The following GLRB variants were observed in gnomAD, a reference collection of about 807,000 sequenced individuals.
GLRB encodes the protein glycine receptor subunit beta.
In GLRB, 33 loss-of-function variants were observed where a neutral mutation model predicts 54.2. The ratio of observed to expected loss-of-function variants is 0.61; its 90% CI spans 0.46 to 0.81. The LOEUF (loss-of-function observed/expected upper bound fraction) is 0.81, where lower values mean the gene tolerates loss of function less well. Ranked by LOEUF, GLRB falls within the 40% of genes least tolerant of loss-of-function variation. The pLI is 0.00. For missense variants in GLRB, 572 were observed against 584.6 expected (o/e 0.98, Z 0.22); for synonymous variants, 209 against 208.2 (o/e 1.00, Z -0.03).
rs571760653 is a variant in GLRB at position 157,142,873 on chromosome 4, C to T, written c.752-934C>T. Among the ~76,000 whole-genome samples the T allele has an allele frequency of 6.6e-5, 10 of 152,160 alleles. No homozygotes were observed. The South Asian group carries it at 1.7e-3, about 25-fold the overall frequency. On this transcript the variant is annotated intron_variant, in intron 7 of 9. Coordinates refer to ENST00000264428, the MANE Select transcript of GLRB (RefSeq NM_000824.5). ...CATTCTTCTCTAAATTAAGCACTTT[C>T]GGCATTATATATTATATTTAAATAG...
chr4:157,136,757 A>T (rs779341791), intron 5 of GLRB, 47 bp from the exon 6 acceptor site: 7 of 1,495,808 alleles, frequency 4.7e-6, no homozygotes, highest in Non-Finnish European at 6.5e-6. Context: ...TCAATGGATG[A>T]CAGAGAAGTA....
At chr4:157,162,719 G>A (rs765667139) in intron 9 of GLRB, among the ~76,000 whole-genome samples, 31 of 152,250 alleles carry the variant, frequency 2.0e-4, no homozygotes, top group Admixed American at 3.3e-4. Context: ...TGGGGCACCC[G>A]GCTGTATGAG....
chr4:157,147,298 A>T (rs2343768), intron 8 of GLRB, among the ~76,000 whole-genome samples: 7,912 of 152,256 alleles, frequency 0.052, 345 homozygotes, highest in African/African-American at 0.12. Context: ...TGAACAAAGT[A>T]TTTCTAGGTC....
intron 2 of GLRB, among the ~76,000 whole-genome samples, chr4:157,089,586 C>T (rs1468411027): frequency 6.6e-6 from 1 of 152,102 alleles, no homozygotes; most frequent in Non-Finnish European, 1.5e-5. Flanking sequence ...TCTTTTTAGC[C>T]ACCTCTCTGA....
chr4:157,103,163 A>AC (rs1225219496), intron 2 of GLRB, among the ~76,000 whole-genome samples: 1 of 151,846 alleles, frequency 6.6e-6, no homozygotes, highest in Non-Finnish European at 1.5e-5. Flanking sequence ...AAAACAAAAA[A>AC]AAAAAAAAAA....
intron 2 of GLRB, 82 bp downstream of exon 2, chr4:157,078,228 A>C: frequency 6.3e-7 from 1 of 1,589,136 alleles, no homozygotes; most frequent in Non-Finnish European, 8.6e-7. Flanking sequence ...ATGAAGACAC[A>C]CATCAACAAA....
chr4:157,159,704 C>T (rs761459858), intron 9 of GLRB, among the ~76,000 whole-genome samples: 3 of 152,022 alleles, frequency 2.0e-5, no homozygotes, highest in African/African-American at 4.8e-5. Flanking sequence ...TGGTGGATAA[C>T]CTTTTTGATG....
At chr4:157,140,385 A>G (rs993603795) in intron 7 of GLRB, among the ~76,000 whole-genome samples, 2 of 152,054 alleles carry the variant, frequency 1.3e-5, no homozygotes, top group South Asian at 2.1e-4. Context: ...ATTAAATGTC[A>G]CCAGGCAAAT....
At chr4:157,167,946 A>C (rs1011015811) in intron 9 of GLRB, among the ~76,000 whole-genome samples, 1 of 152,130 alleles carries the variant, frequency 6.6e-6, no homozygotes, top group Non-Finnish European at 1.5e-5. Flanking sequence ...ACTTGAACTA[A>C]CAGAGGGACA....
intron 2 of GLRB, 86 bp downstream of exon 2, chr4:157,078,232 C>G: frequency 6.3e-7 from 1 of 1,585,024 alleles, no homozygotes; most frequent in Non-Finnish European, 8.6e-7. Context: ...AGACACACAT[C>G]AACAAAACTT....
At chr4:157,167,973 A>G (rs1005820911) in intron 9 of GLRB, among the ~76,000 whole-genome samples, 2 of 152,166 alleles carry the variant, frequency 1.3e-5, no homozygotes, top group Admixed American at 1.3e-4. Flanking sequence ...TCATTACCCC[A>G]GGGAGGACAC....
intron 5 of GLRB, 28 bp from the exon 6 acceptor site, chr4:157,136,776 T>G: frequency 6.5e-7 from 1 of 1,545,284 alleles, no homozygotes; most frequent in Non-Finnish European, 9.0e-7. Context: ...TATATTAAAT[T>G]ATTTCTAAGA....
chr4:157,133,774 A>G (rs1736300446), intron 4 of GLRB, among the ~76,000 whole-genome samples: 1 of 152,026 alleles, frequency 6.6e-6, no homozygotes, highest in South Asian at 2.1e-4. Flanking sequence ...TCTGCTGATT[A>G]AAATGCTTAG....
At chr4:157,137,990 A>G (rs886077195) in intron 6 of GLRB, among the ~76,000 whole-genome samples, 2 of 152,158 alleles carry the variant, frequency 1.3e-5, no homozygotes, top group Non-Finnish European at 2.9e-5. Flanking sequence ...TGATGCTGTA[A>G]TTATGTCCCT....
chr4:157,167,274 G>T (rs1181357756), intron 9 of GLRB, among the ~76,000 whole-genome samples: 1 of 152,180 alleles, frequency 6.6e-6, no homozygotes, highest in African/African-American at 2.4e-5. Context: ...GCAATGCAAA[G>T]ATTTGATATG....
intron 2 of GLRB, among the ~76,000 whole-genome samples, chr4:157,107,666 C>A (rs1050020921): frequency 6.6e-6 from 1 of 152,052 alleles, no homozygotes; most frequent in East Asian, 1.9e-4. Flanking sequence ...AGGAAAGAAG[C>A]CATTTGCATA....
Position 157,143,929 on chromosome 4 carries a change from C to G in GLRB, c.874C>G (p.Pro292Ala). The change falls in exon 8 of 10, where the codon CCG becomes GCG. Residue 292 changes from proline to alanine, a missense_variant. By Grantham distance (27) the Pro-to-Ala change is conservative. Transcript: ENST00000264428. The stretch of plus-strand genomic sequence containing the variant: ...CTCCTGGCTTTCCTTCTGGATCAAC[C>G]CGGACGCGAGTGCTGCCAGAGTGCC... ...VLSWLSFWINPDASAARVPLG... is the reference protein window; with the variant it reads ...VLSWLSFWINADASAARVPLG... 1 of 1,614,036 alleles carries G rather than the reference C, an allele frequency of 6.2e-7. No homozygotes were observed. The highest frequency in any genetic ancestry group is 8.5e-7 in the Non-Finnish European group (1 of 1,179,990).
intron 1 of GLRB, among the ~76,000 whole-genome samples, chr4:157,077,111 T>C (rs1357076213): frequency 6.6e-6 from 1 of 152,044 alleles, no homozygotes; most frequent in Non-Finnish European, 1.5e-5. Flanking sequence ...CAATTTATGG[T>C]TTGGAAATGA....
At chr4:157,123,753 G>C (rs1235080427) in intron 4 of GLRB, among the ~76,000 whole-genome samples, 1 of 151,612 alleles carries the variant, frequency 6.6e-6, no homozygotes, top group East Asian at 2.0e-4. Context: ...AACTTTGCAG[G>C]AATCTATTTG....
Sources: allele counts gnomAD v4.1 joint callset (sites outside exome capture counted in the v4.1 genomes callset), GRCh38; gene constraint gnomAD v4.1.1; transcripts MANE v1.5; gene names NCBI Gene and HGNC (gene_info 2026-07-23, HGNC 2026-07-21).